The following CCDC40 variants were observed in gnomAD, a reference collection of about 807,000 sequenced individuals.
CCDC40 encodes the protein coiled-coil domain 40 molecular ruler complex subunit, also known as coiled-coil domain-containing protein 40.
A neutral mutation model predicts 124.5 loss-of-function variants in CCDC40; 104 were observed. The observed-to-expected ratio is 0.84, with a 90% CI of 0.71 to 0.98. The LOEUF (loss-of-function observed/expected upper bound fraction) is 0.98. CCDC40 is among the 50% of genes least tolerant of loss of function. CCDC40 has a pLI of 0.00. For synonymous variants in CCDC40, 580 were observed against 602.9 expected, an observed-to-expected ratio of 0.96 and a Z score of 0.56; for missense variants, 1,463 against 1,503.9, an observed-to-expected ratio of 0.97 and a Z score of 0.45.
chr17:80,054,450 G>T (rs1331075268), intron 7 of CCDC40, among the ~76,000 whole-genome samples: 1 of 152,116 alleles, frequency 6.6e-6, no homozygotes, highest in African/African-American at 2.4e-5. Context: ...AAGCTCCAGG[G>T]CATGGAAGAT....
chr17:80,066,029 G>A lies in CCDC40; in HGVS notation c.1562+423G>A. 2.9e-6 allele frequency: 2 copies of A among 689,166 alleles called. No homozygotes were observed. The highest frequency in any genetic ancestry group is 5.3e-6 in the Non-Finnish European group (2 of 377,426). The allele number at this position is 689,166 out of a possible 1,614,324, so 42.7% of individuals were successfully genotyped here. A position where few individuals can be genotyped will look rare whatever the true frequency, so the allele number is the denominator to read the frequency against. Reference sequence around the variant, plus strand: ...AATCTCCAAAGGAAGGGGAGGAAGAGGCCTCCTCTGGGCATCCCCTCACTT... The same window carrying A: ...AATCTCCAAAGGAAGGGGAGGAAGAAGCCTCCTCTGGGCATCCCCTCACTT... On this transcript the variant is annotated intron_variant, in intron 10 of 19. Transcript: ENST00000397545. The surrounding 1 kb of genome is among the most constrained non-coding windows in gnomAD (Gnocchi z 4.4).
intron 17 of CCDC40, among the ~76,000 whole-genome samples, chr17:80,092,765 G>A (rs1267677457): frequency 1.3e-5 from 2 of 151,734 alleles, no homozygotes; most frequent in Non-Finnish European, 2.9e-5. Flanking sequence ...CACACACCAC[G>A]GCACCCACCC....
chr17:80,037,720 T>TATATATATATATATATATA (rs1555889200), intron 1 of CCDC40, among the ~76,000 whole-genome samples: 259 of 141,252 alleles, frequency 1.8e-3, no homozygotes, highest in Non-Finnish European at 2.6e-3. Context: ...TATATATATA[T>TATATATATATATATATATA]TCCTGTGCTA....
At chr17:80,090,501 A>T (rs2038705299) in intron 17 of CCDC40, 1 of 1,522,732 alleles carries the variant, frequency 6.6e-7, no homozygotes, top group South Asian at 1.2e-5. Context: ...ATGTCATCTC[A>T]CAAAACGCTG....
At chr17:80,096,521 C>T (rs1293333044) in intron 18 of CCDC40, among the ~76,000 whole-genome samples, 3 of 152,086 alleles carry the variant, frequency 2.0e-5, no homozygotes, top group Non-Finnish European at 4.4e-5. Context: ...CGGCCCCTGA[C>T]CACTCCTTGC....
intron 18 of CCDC40, 80 bp from the exon 19 acceptor site, chr17:80,097,165 A>G (rs2038824758): frequency 6.9e-7 from 1 of 1,459,694 alleles, no homozygotes; most frequent in Non-Finnish European, 9.6e-7. Context: ...GGTGCCTGGC[A>G]GGTCCTCCCA....
intron 10 of CCDC40, among the ~76,000 whole-genome samples, chr17:80,072,815 A>G (rs1037756708): frequency 1.3e-5 from 2 of 152,152 alleles, no homozygotes; most frequent in Non-Finnish European, 1.5e-5. Flanking sequence ...GTATTTGTCC[A>G]TCCACCAACT....
chr17:80,057,375 AC>A (rs923303339), intron 7 of CCDC40, among the ~76,000 whole-genome samples: 2 of 151,616 alleles, frequency 1.3e-5, no homozygotes, highest in African/African-American at 4.8e-5. Context: ...GGCGTGAGCC[AC>A]CACACCCAGC....
At chr17:80,053,443 C>T (rs1464667553) in intron 7 of CCDC40, among the ~76,000 whole-genome samples, 1 of 152,180 alleles carries the variant, frequency 6.6e-6, no homozygotes, top group African/African-American at 2.4e-5. Flanking sequence ...TGGGAAGGAC[C>T]AGGCATTGTT....
chr17:80,066,823 T>C lies in CCDC40; in HGVS notation c.1562+1217T>C. On this transcript the variant is annotated intron_variant, in intron 10 of 19. Transcript: ENST00000397545. The surrounding 1 kb of genome is among the most constrained non-coding windows in gnomAD (Gnocchi z 4.4). ...AACAACATAAAGCCAAAGGGAACAC[T>C]GTGGTTTGATACAGGCGATGTTTGG... is the stretch of plus-strand genomic sequence containing the variant. The C allele has an allele frequency of 6.6e-6, 1 of 152,466 alleles. No homozygotes were observed. Among genetic ancestry groups the C allele is most frequent in the East Asian group, 1.9e-4 (1 of 5,196 alleles). The allele number at this position is 152,466 out of a possible 1,614,324, so 9.4% of individuals were successfully genotyped here. A position where few individuals can be genotyped will look rare whatever the true frequency, so the allele number is the denominator to read the frequency against.
Position 80,050,214 on chromosome 17 carries a change from G to A in CCDC40, c.1090G>A (p.Glu364Lys). ...MASSERRQKE[E>K]ELQAARALYT... is the part of the protein sequence containing the mutation. ...CTCGAGCGAGCGCAGGCAGAAGGAG[G>A]AGGAGCTGCAGGCCGCCCGCGCTCT... is the stretch of plus-strand genomic sequence containing the variant. The change falls in exon 7 of 20, where the codon GAG becomes AAG. Residue 364 changes from glutamate (E) to lysine (K), a missense_variant. Glu to Lys is a moderately conservative substitution (Grantham distance 56, BLOSUM62 1). Transcript: ENST00000397545. 6.2e-7 allele frequency: 1 copy of A among 1,608,910 alleles called. No individual in the cohort carries two copies. Among genetic ancestry groups the A allele is most frequent in the Non-Finnish European group, 8.5e-7 (1 of 1,178,702 alleles).
rs80017238 is a variant in CCDC40 at position 80,047,144 on chromosome 17, C to G, written c.553-135C>G. On this transcript the variant is annotated intron_variant, in intron 3 of 19. Coordinates refer to ENST00000397545, the MANE Select transcript of CCDC40 (RefSeq NM_017950.4). ...TTACAGGCATGAGCCACGTGCCCGG[C>G]CAGGTTTTTTAAAAAACACACAGGT... 3 of 984,778 alleles carry G rather than the reference C, an allele frequency of 3.0e-6. No individual in the cohort carries two copies. The East Asian group carries it at 7.9e-5, about 26-fold the overall frequency. 61.0% of individuals were successfully genotyped at this position (984,778 alleles called of 1,614,324 possible).
In CCDC40 at chr17:80,058,730, G is replaced by A. The variant is rs752449256; in HGVS notation, c.1317+79G>A. 2.7e-5 allele frequency: 43 copies of A among 1,602,124 alleles called. No homozygotes were observed. The highest frequency in any genetic ancestry group is 2.4e-4 in the African/African-American group (18 of 74,662). On this transcript the variant is annotated intron_variant, in intron 8 of 19. Transcript: ENST00000397545. The surrounding 1 kb of genome is among the most constrained non-coding windows in gnomAD (Gnocchi z 4.2). ...AAAGGGGCTCAGCTTTGCCTCCTGC[G>A]TGAAGGCTTCCGGCCGGAGGGGTGG...
intron 10 of CCDC40, among the ~76,000 whole-genome samples, chr17:80,073,860 T>C (rs1208667840): frequency 1.3e-5 from 2 of 150,178 alleles, no homozygotes; most frequent in East Asian, 3.9e-4. Flanking sequence ...CGTGCCCGGC[T>C]AATTTTTGTA....
rs1408922590 is a variant in CCDC40, at chr17:80,086,387, T to C, written c.2449+171T>C. On this transcript the variant is annotated intron_variant, in intron 14 of 19. Transcript: ENST00000397545. The surrounding 1 kb of genome is among the most constrained non-coding windows in gnomAD (Gnocchi z 5.5). ...TATTTTGTAAATGTGAACCACTGCC[T>C]GCCCAGCTGCCCAGTTCGCAGTCAC... is the stretch of plus-strand genomic sequence containing the variant. 1.6e-6 allele frequency: 1 copy of C among 627,644 alleles called. No individual in the cohort carries two copies. Among genetic ancestry groups the C allele is most frequent in the African/African-American group, 1.8e-5 (1 of 54,774 alleles). 38.9% of individuals were successfully genotyped at this position (627,644 alleles called of 1,614,324 possible).
At chr17:80,037,690 GATATACATATATATAT>G (rs1290683387) in intron 1 of CCDC40, among the ~76,000 whole-genome samples, 5 of 92,090 alleles carry the variant, frequency 5.4e-5, no homozygotes, top group African/African-American at 7.9e-5. Flanking sequence ...TTTTAAAAAA[GATATACATATATATAT>G]ATATATATAT....
intron 10 of CCDC40, chr17:80,067,466 C>A: frequency 1.2e-6 from 1 of 840,612 alleles, no homozygotes; most frequent in Non-Finnish European, 1.9e-6. Flanking sequence ...GCACACCACA[C>A]TCACTGTTCT....
rs982837102 is a variant in CCDC40, at chr17:80,047,132, C to T, written c.553-147C>T. The T allele has an allele frequency of 3.3e-5, 28 of 844,780 alleles. No individual in the cohort carries two copies. In the African/African-American group the frequency reaches 4.4e-4, roughly 13 times the overall value. The allele number at this position is 844,780 out of a possible 1,614,324, so 52.3% of individuals were successfully genotyped here. ...AAGTGCTGGGAGTTACAGGCATGAG[C>T]CACGTGCCCGGCCAGGTTTTTTAAA... is the stretch of plus-strand genomic sequence containing the variant. On this transcript the variant is annotated intron_variant, in intron 3 of 19. Transcript: ENST00000397545.
chr17:80,067,993 A>T, intron 10 of CCDC40: 6 of 1,075,404 alleles, frequency 5.6e-6, no homozygotes, highest in Non-Finnish European at 6.8e-6. Flanking sequence ...AGCTTGCCAC[A>T]CCAAGGCCCC....
Sources: gnomAD v4.1 joint callset for allele counts (sites outside exome capture counted in the v4.1 genomes callset) on GRCh38, gnomAD v4.1.1 for gene constraint, Gnocchi (gnomAD v3.1) non-coding constraint, MANE v1.5 for transcripts, NCBI Gene and HGNC (gene_info 2026-07-23, HGNC 2026-07-21) for gene names.